The following MAP3K14 variants were observed in gnomAD, a reference collection of about 807,000 sequenced individuals.
MAP3K14 encodes mitogen-activated protein kinase kinase kinase 14.
MAP3K14 carries 16 observed loss-of-function variants against 99.2 expected under a neutral mutation model. That is an observed-to-expected ratio of 0.16 (90% CI 0.11 to 0.24). MAP3K14 has a LOEUF of 0.24. Among genes scored for constraint, MAP3K14 ranks in the 10% least tolerant of loss-of-function variants. MAP3K14 has a pLI of 1.00. For missense variants in MAP3K14, 784 were observed against 1,208.7 expected, an observed-to-expected ratio of 0.65 and a Z score of 5.21; for synonymous variants, 462 against 492.4, an observed-to-expected ratio of 0.94 and a Z score of 0.82.
chr17:45,285,436 G>A (rs575407902), intron 5 of MAP3K14, among the ~76,000 whole-genome samples: 2 of 152,014 alleles, frequency 1.3e-5, no homozygotes, highest in South Asian at 4.2e-4. Flanking sequence ...GACCACCCTG[G>A]CCAACATGGT....
In MAP3K14 at chr17:45,287,253, C is replaced by T; in HGVS notation, c.438G>A (p.Arg146=). 1 of 1,614,032 alleles carries T rather than the reference C, an allele frequency of 6.2e-7. No homozygotes were observed. Among genetic ancestry groups the T allele is most frequent in the Admixed American group, 1.7e-5 (1 of 60,022 alleles). The part of the protein sequence containing the change: ...GKRRSKARKK[R]KKKSSKSLAH... ...CCAGGGACTTTGAGCTCTTCTTCTT[C>T]CGTTTCTTCCGGGCTTTGCTGCGAC... is the stretch of plus-strand genomic sequence containing the variant. The change falls in exon 4 of 16, where the codon CGG becomes CGA. Residue 146 remains arginine, a synonymous_variant. Transcript: ENST00000344686.
chr17:45,295,900 C>T (rs1199391195), intron 1 of MAP3K14, among the ~76,000 whole-genome samples: 1 of 152,160 alleles, frequency 6.6e-6, no homozygotes, highest in Non-Finnish European at 1.5e-5. Context: ...GTTTCAGCAC[C>T]ATATAGCCAA....
rs116599213 is a variant in MAP3K14, at chr17:45,276,359, A to G, written c.1291-1766T>C. 3.3e-3 allele frequency among the ~76,000 whole-genome samples: 507 copies of G among 152,354 alleles called. 4 individuals are homozygous for G. The highest frequency in any genetic ancestry group is 0.011 in the African/African-American group (478 of 41,590). ...TTCCCATCCACATATTTCCACATGCAAACAGCAGGGACGGTGGTATCTGCT... is the reference window on the plus strand; with the variant it reads ...TTCCCATCCACATATTTCCACATGCGAACAGCAGGGACGGTGGTATCTGCT... On this transcript the variant is annotated intron_variant, in intron 6 of 15. Transcript: ENST00000344686.
chr17:45,283,422 T>C (rs2044239479), intron 6 of MAP3K14, among the ~76,000 whole-genome samples: 1 of 152,226 alleles, frequency 6.6e-6, no homozygotes, highest in South Asian at 2.1e-4. Context: ...GTTTTCGTAT[T>C]CGACACAGTG....
chr17:45,304,014 T>C (rs1230421855), intron 1 of MAP3K14, among the ~76,000 whole-genome samples: 1 of 145,656 alleles, frequency 6.9e-6, no homozygotes, highest in Admixed American at 6.8e-5. Flanking sequence ...TCTTTTCTTT[T>C]TTTTTTTTTT....
At chr17:45,291,567 T>C (rs923387951) in intron 1 of MAP3K14, among the ~76,000 whole-genome samples, 1 of 152,246 alleles carries the variant, frequency 6.6e-6, no homozygotes, top group African/African-American at 2.4e-5. Flanking sequence ...TTCACGTCTC[T>C]CTGGGTTCTG....
chr17:45,306,158 G>A (rs9906772), intron 1 of MAP3K14, among the ~76,000 whole-genome samples: 4,874 of 152,092 alleles, frequency 0.032, 287 homozygotes, highest in African/African-American at 0.11. Flanking sequence ...TGTGAGCAAG[G>A]CACTAATGTT....
intron 1 of MAP3K14, among the ~76,000 whole-genome samples, chr17:45,305,909 T>G (rs902607378): frequency 6.6e-6 from 1 of 152,218 alleles, no homozygotes; most frequent in Non-Finnish European, 1.5e-5. Flanking sequence ...ATCTGGCTTC[T>G]GTGTCCACTG....
rs759245022 is a variant in MAP3K14, at chr17:45,266,510, G to A, written c.2578+27C>T. 4.4e-6 allele frequency: 7 copies of A among 1,588,040 alleles called. No individual in the cohort carries two copies. The South Asian group carries it at 6.7e-5, about 15-fold the overall frequency. Reference sequence around the variant, plus strand: ...AGGCAGATCAGCTGCCACGGGGACTGCTGAGCAGGTGGGAATTGGACTGTA... The same window carrying A: ...AGGCAGATCAGCTGCCACGGGGACTACTGAGCAGGTGGGAATTGGACTGTA... On this transcript the variant is annotated intron_variant, in intron 14 of 15. Transcript: ENST00000344686.
At chr17:45,296,460 A>G (rs1446394468) in intron 1 of MAP3K14, among the ~76,000 whole-genome samples, 3 of 152,050 alleles carry the variant, frequency 2.0e-5, no homozygotes, top group Non-Finnish European at 4.4e-5. Context: ...GCAGTGAGCC[A>G]TGACTGCACC....
chr17:45,310,027 CTTTTT>C (rs59117060), intron 1 of MAP3K14, among the ~76,000 whole-genome samples: 1 of 98,830 alleles, frequency 1.0e-5, no homozygotes, highest in Non-Finnish European at 2.0e-5. Context: ...AGGAGTCCAT[CTTTTT>C]TTTTTTTTTT....
chr17:45,306,344 A>G (rs576394947), intron 1 of MAP3K14, among the ~76,000 whole-genome samples: 1 of 152,226 alleles, frequency 6.6e-6, no homozygotes, highest in East Asian at 1.9e-4. Flanking sequence ...AAAAATTGGG[A>G]CCGAGATGCA....
intron 15 of MAP3K14, 114 bp downstream of exon 15, chr17:45,265,049 C>A: frequency 2.1e-6 from 2 of 937,372 alleles, no homozygotes; most frequent in South Asian, 1.4e-5. Flanking sequence ...AGGCCAATTC[C>A]AAGTATTCCC....
At chr17:45,273,068 A>G (rs1196602811) in intron 9 of MAP3K14, among the ~76,000 whole-genome samples, 1 of 152,204 alleles carries the variant, frequency 6.6e-6, no homozygotes, top group African/African-American at 2.4e-5. Flanking sequence ...CAATAATCAG[A>G]GGAGTTAAAG....
chr17:45,309,770 TA>T (rs2044458364), intron 1 of MAP3K14, among the ~76,000 whole-genome samples: 1 of 152,184 alleles, frequency 6.6e-6, no homozygotes, highest in Admixed American at 6.5e-5. Context: ...AATGCTGACC[TA>T]GAGACCCAAT....
chr17:45,300,945 T>C (rs1370217628), intron 1 of MAP3K14, among the ~76,000 whole-genome samples: 1 of 151,744 alleles, frequency 6.6e-6, no homozygotes, highest in East Asian at 1.9e-4. Context: ...GGCAGGAGGA[T>C]TGCTTGAGTC....
chr17:45,274,446 TG>T lies in MAP3K14; in HGVS notation c.1420+17del, dbSNP rs1375857688. 1 of 1,612,850 alleles carries T rather than the reference TG, an allele frequency of 6.2e-7. No homozygotes were observed. On this transcript the variant is annotated intron_variant, in intron 7 of 15. Transcript: ENST00000344686. ...CTTGGCCCTGAATTTGGAGAAAGAG[TG>T]GGACCTGGCTCCTTACCTTCCAGCA...
chr17:45,293,095 C>T (rs989603823), intron 1 of MAP3K14, among the ~76,000 whole-genome samples: 5 of 152,204 alleles, frequency 3.3e-5, no homozygotes, highest in African/African-American at 4.8e-5. Context: ...CCACAGACCA[C>T]GCAACTGACG....
Position 45,287,062 on chromosome 17 carries a change from A to T in MAP3K14, c.538-17T>A. 1.2e-6 allele frequency: 2 copies of T among 1,608,528 alleles called. No individual in the cohort carries two copies. Among genetic ancestry groups the T allele is most frequent in the Middle Eastern group, 1.7e-4 (1 of 6,040 alleles). On this transcript the variant is annotated splice_polypyrimidine_tract_variant and intron_variant, in intron 4 of 15. Transcript: ENST00000344686. ...CTCATCCTCCTGCGGGGGGAAACAC[A>T]GCTATCAGCACAGAGGGCCAGGGCC...
Sources: allele counts gnomAD v4.1 joint callset (sites outside exome capture counted in the v4.1 genomes callset), GRCh38; gene constraint gnomAD v4.1.1; transcripts MANE v1.5; gene names NCBI Gene and HGNC (gene_info 2026-07-23, HGNC 2026-07-21).